BAZ1B: variants seen among roughly 807,000 people sequenced by gnomAD.
BAZ1B encodes the protein tyrosine-protein kinase BAZ1B.
BAZ1B carries 22 observed loss-of-function variants against 153.8 expected under a neutral mutation model. The observed-to-expected ratio is 0.14, with a 90% confidence interval of 0.10 to 0.20. The LOEUF is 0.20. Ranked by LOEUF, BAZ1B falls within the 10% of genes least tolerant of loss-of-function variation. The pLI is 1.00. For synonymous variants in BAZ1B, 676 were observed against 633.4 expected, an observed-to-expected ratio of 1.07 and a Z score of -1.01; for missense variants, 1,325 against 1,799.3, an observed-to-expected ratio of 0.74 and a Z score of 4.77.
At position 73,509,379 on chromosome 7, in the gene BAZ1B, A is replaced by G. The variant is rs527575392; in HGVS notation, c.225-908T>C. Among the ~76,000 whole-genome samples the G allele has an allele frequency of 6.6e-5, 10 of 152,296 alleles. 1 individual carries two copies. The South Asian group carries it at 2.1e-3, about 32-fold the overall frequency. The stretch of plus-strand genomic sequence containing the variant: ...ATTTTACGAGTTTTAGGTTCACAGC[A>G]AAACAACACTGCTTTAGCAAATATA... On this transcript the variant is annotated intron_variant, in intron 2 of 19. Transcript: ENST00000339594.
At position 73,497,788 on chromosome 7, in the gene BAZ1B, T is replaced by C. The variant is rs138658134; in HGVS notation, c.571+709A>G. ...CAAGGGTGAGCTGTACCTAAAACCA[T>C]CACATTGGCTTATAATGTGAAGATC... On this transcript the variant is annotated intron_variant, in intron 4 of 19. Coordinates refer to ENST00000339594, the MANE Select transcript of BAZ1B (RefSeq NM_032408.4). Among the ~76,000 whole-genome samples, 8 of 152,264 alleles carry C rather than the reference T, an allele frequency of 5.3e-5. No individual in the cohort carries two copies. The East Asian group carries it at 1.2e-3, about 22-fold the overall frequency.
intron 5 of BAZ1B, among the ~76,000 whole-genome samples, chr7:73,491,324 C>T (rs370017552): frequency 2.6e-5 from 4 of 151,992 alleles, no homozygotes; most frequent in Non-Finnish European, 2.9e-5. Context: ...CTAGGCCGGG[C>T]GTGGTGGATC....
chr7:73,480,818 A>G (rs1254466121), intron 6 of BAZ1B, among the ~76,000 whole-genome samples: 1 of 152,250 alleles, frequency 6.6e-6, no homozygotes, highest in Non-Finnish European at 1.5e-5. Context: ...GAAATGGCTA[A>G]GGTGAGATAA....
At chr7:73,505,072 T>G (rs1790281543) in intron 3 of BAZ1B, among the ~76,000 whole-genome samples, 1 of 152,104 alleles carries the variant, frequency 6.6e-6, no homozygotes, top group South Asian at 2.1e-4. Context: ...CCAGCCTGTC[T>G]CTTTTGAGAC....
chr7:73,497,617 A>C (rs1179709838), intron 4 of BAZ1B, among the ~76,000 whole-genome samples: 2 of 152,004 alleles, frequency 1.3e-5, no homozygotes, highest in Non-Finnish European at 2.9e-5. Context: ...TTCGTCTCTG[A>C]GTTTCTTCAA....
rs1787655366 is a variant in BAZ1B at position 73,442,376 on chromosome 7, A to G, written c.4272T>C (p.His1424=). 6.8e-6 allele frequency: 11 copies of G among 1,614,244 alleles called. No individual in the cohort carries two copies. The highest frequency in any genetic ancestry group is 1.6e-4 in the Middle Eastern group (1 of 6,062). Residue 1424 remains histidine (H), a synonymous_variant, in exon 19 of 20, where the codon CAT becomes CAC. Coordinates refer to ENST00000339594, the MANE Select transcript of BAZ1B (RefSeq NM_032408.4). ...CTGTCTTCACCATGCAGCTTAGCACATGGCTGCCACGGCAGTTGTAAACCT... is the reference window on the plus strand; with the variant it reads ...CTGTCTTCACCATGCAGCTTAGCACGTGGCTGCCACGGCAGTTGTAAACCT... ...NAEVYNCRGS[H]VLSCMVKTEQ... is the part of the protein sequence containing the mutation.
rs1554572878 is a variant in BAZ1B, at chr7:73,476,949, T to C, written c.2512A>G (p.Met838Val). 3 of 1,614,226 alleles carry C rather than the reference T, an allele frequency of 1.9e-6. No homozygotes were observed. Among genetic ancestry groups the C allele is most frequent in the South Asian group, 2.2e-5 (2 of 91,080 alleles). Reference sequence around the variant, plus strand: ...CTTCTGCTCTTCACAGCACTAATCATGTCTTCAGCTTCTGTATCTACTTGG... The same window carrying C: ...CTTCTGCTCTTCACAGCACTAATCACGTCTTCAGCTTCTGTATCTACTTGG... ...EPQVDTEAED[M>V]ISAVKSRRLL... is the part of the protein sequence containing the mutation. Residue 838 changes from methionine to valine, a missense_variant, in exon 7 of 20, where the codon ATG becomes GTG. Physicochemically the swap from Met to Val is conservative, Grantham distance 21 (BLOSUM62 1). Around this residue, in one of 9 missense-constraint regions of BAZ1B, gnomAD observed 431 missense variants for 563.5 expected, o/e 0.76. Transcript: ENST00000339594.
At chr7:73,474,686 A>G (rs1262845440) in intron 7 of BAZ1B, among the ~76,000 whole-genome samples, 1 of 152,178 alleles carries the variant, frequency 6.6e-6, no homozygotes, top group African/African-American at 2.4e-5. Flanking sequence ...GAGGCAAGAG[A>G]ATCACTTGAA....
At chr7:73,487,138 C>T (rs936698636) in intron 6 of BAZ1B, among the ~76,000 whole-genome samples, 1 of 152,192 alleles carries the variant, frequency 6.6e-6, no homozygotes, top group African/African-American at 2.4e-5. Context: ...CTAGTCTTAA[C>T]CTAAATTATA....
Position 73,477,688 on chromosome 7 carries a change from T to A in BAZ1B, c.1773A>T (p.Pro591=). The change falls in exon 7 of 20, where the codon CCA becomes CCT. Residue 591 remains proline, a synonymous_variant. Transcript: ENST00000339594. This position sits in a 1 kb window ranked among gnomAD's most constrained non-coding sequence, Gnocchi z 5.6. ...EDQELTGKNL[P]AFRLVDTPEG... ...CAGGGGTATCCACCAATCTGAATGC[T>A]GGAAGGTTTTTGCCAGTTAACTCTT... The A allele has an allele frequency of 6.2e-7, 1 of 1,614,234 alleles. No homozygotes were observed. Among genetic ancestry groups the A allele is most frequent in the Admixed American group, 1.7e-5 (1 of 60,030 alleles).
intron 1 of BAZ1B, among the ~76,000 whole-genome samples, chr7:73,521,192 C>G (rs1049723007): frequency 1.1e-4 from 16 of 152,152 alleles, no homozygotes; most frequent in African/African-American, 3.9e-4. Flanking sequence ...CAGGCATCAG[C>G]TCCTCCACAG....
At chr7:73,465,326 A>G (rs1788540648) in intron 11 of BAZ1B, 113 bp downstream of exon 11, 3 of 667,950 alleles carry the variant, frequency 4.5e-6, no homozygotes, top group East Asian at 2.9e-5. Flanking sequence ...ACGGTTACAC[A>G]TTTAAAATAT....
intron 13 of BAZ1B, among the ~76,000 whole-genome samples, chr7:73,452,854 C>T (rs1322232426): frequency 6.6e-6 from 1 of 152,118 alleles, no homozygotes; most frequent in Non-Finnish European, 1.5e-5. Flanking sequence ...GACATAGCCC[C>T]ATCCTAAATT....
chr7:73,490,296 CA>C (rs1378368416), intron 5 of BAZ1B, among the ~76,000 whole-genome samples: 1 of 152,068 alleles, frequency 6.6e-6, no homozygotes, highest in African/African-American at 2.4e-5. Flanking sequence ...AGATGTTTAG[CA>C]CACAATAAAT....
rs1204738293 is a variant in BAZ1B, at chr7:73,450,213, C to A, written c.3581-524G>T. ...CAGGCGTGAGCCACCGCGCCCGGCCCCTGATGGGTTCCCTTAAACCATGTG... is the reference window on the plus strand; with the variant it reads ...CAGGCGTGAGCCACCGCGCCCGGCCACTGATGGGTTCCCTTAAACCATGTG... On this transcript the variant is annotated intron_variant, in intron 14 of 19. Coordinates refer to ENST00000339594, the MANE Select transcript of BAZ1B (RefSeq NM_032408.4). This position sits in a 1 kb window ranked among gnomAD's most constrained non-coding sequence, Gnocchi z 4.1. 4.6e-5 allele frequency among the ~76,000 whole-genome samples: 7 copies of A among 151,928 alleles called. No homozygotes were observed. The highest frequency in any genetic ancestry group is 1.7e-4 in the African/African-American group (7 of 41,348).
At chr7:73,503,141 T>C (rs782429047) in intron 3 of BAZ1B, among the ~76,000 whole-genome samples, 2 of 152,314 alleles carry the variant, frequency 1.3e-5, no homozygotes, top group Non-Finnish European at 2.9e-5. Flanking sequence ...AAAGGGTATG[T>C]ATAATAACCA....
intron 13 of BAZ1B, among the ~76,000 whole-genome samples, chr7:73,457,825 A>G (rs1032067351): frequency 6.6e-5 from 10 of 152,170 alleles, no homozygotes; most frequent in Non-Finnish European, 7.3e-5. Context: ...AAGCTCTACG[A>G]AGATACTGGA....
chr7:73,509,008 A>G (rs34437827), intron 2 of BAZ1B, among the ~76,000 whole-genome samples: 30,418 of 129,562 alleles, frequency 0.23, 3,564 homozygotes, highest in African/African-American at 0.34. Context: ...GCGAGATTCC[A>G]TCTCAAAAAA....
intron 6 of BAZ1B, among the ~76,000 whole-genome samples, chr7:73,488,411 G>A (rs782098282): frequency 6.6e-6 from 1 of 152,014 alleles, no homozygotes; most frequent in Non-Finnish European, 1.5e-5. Flanking sequence ...AAAATATTTG[G>A]AAAATCAAAA....
Sources: allele counts gnomAD v4.1 joint callset (sites outside exome capture counted in the v4.1 genomes callset), GRCh38; gene constraint gnomAD v4.1.1; regional missense constraint gnomAD v4.1.1; non-coding constraint Gnocchi (gnomAD v3.1); transcripts MANE v1.5; gene names NCBI Gene and HGNC (gene_info 2026-07-23, HGNC 2026-07-21).